Variants in ATF7IP observed in about 807,000 individuals in gnomAD.
ATF7IP encodes activating transcription factor 7 interacting protein.
In ATF7IP, 23 loss-of-function variants were observed where a neutral mutation model predicts 106.4. That is an observed-to-expected ratio of 0.22 (90% CI 0.16 to 0.31). The LOEUF is 0.31. Among genes scored for constraint, ATF7IP ranks in the 10% least tolerant of loss-of-function variants. The pLI is 1.00. For synonymous variants in ATF7IP, 542 were observed against 539.0 expected, an observed-to-expected ratio of 1.01 and a Z score of -0.08; for missense variants, 1,334 against 1,524.3, an observed-to-expected ratio of 0.88 and a Z score of 2.08.
chr12:14,464,642 A>G (rs1164599936), intron 9 of ATF7IP, among the ~76,000 whole-genome samples: 1 of 152,230 alleles, frequency 6.6e-6, no homozygotes, highest in Non-Finnish European at 1.5e-5. Context: ...TCCAAGGTAG[A>G]TCTTGTAGAA....
rs191571284 is a variant in ATF7IP at position 14,393,591 on chromosome 12, A to G, written c.-8+27764A>G. 5.9e-5 allele frequency among the ~76,000 whole-genome samples: 9 copies of G among 152,278 alleles called. No homozygotes were observed. The East Asian group carries it at 1.5e-3, about 26-fold the overall frequency. Reference sequence around the variant, plus strand: ...TAACTTTATGCGTCCCCTCATTTATAGCCCCATTATCTTTTTTATGTGATA... The same window carrying G: ...TAACTTTATGCGTCCCCTCATTTATGGCCCCATTATCTTTTTTATGTGATA... On this transcript the variant is annotated intron_variant, in intron 1 of 14. Coordinates refer to ENST00000261168, the MANE Select transcript of ATF7IP (RefSeq NM_018179.5).
intron 2 of ATF7IP, 38 bp from the exon 3 acceptor site, chr12:14,434,299 A>T: frequency 8.3e-7 from 1 of 1,205,570 alleles, no homozygotes; most frequent in Non-Finnish European, 1.2e-6. Context: ...TATGAATTCT[A>T]GTAGAAGTAA....
At chr12:14,496,983 T>C (rs1273123978) in intron 14 of ATF7IP, among the ~76,000 whole-genome samples, 1 of 152,222 alleles carries the variant, frequency 6.6e-6, no homozygotes, top group Non-Finnish European at 1.5e-5. Flanking sequence ...TTTTTCTTCA[T>C]GTACCCTATG....
Position 14,499,967 on chromosome 12 carries a change from ACTG to A in ATF7IP, c.*1895_*1897del. On this transcript the variant is annotated 3_prime_UTR_variant, in exon 15 of 15. Transcript: ENST00000261168. The stretch of plus-strand genomic sequence containing the variant: ...GATTTTTAATATGAGGGCCAGCTGT[ACTG>A]GTGTCAGGTAGGTGTTTTGGGTGTA... The A allele has an allele frequency of 6.6e-6, 1 of 152,332 alleles. No individual in the cohort carries two copies. The highest frequency in any genetic ancestry group is 1.5e-5 in the Non-Finnish European group (1 of 68,022). 9.4% of individuals were successfully genotyped at this position (152,332 alleles called of 1,614,324 possible).
intron 9 of ATF7IP, among the ~76,000 whole-genome samples, chr12:14,465,490 A>C (rs572137781): frequency 6.6e-6 from 1 of 151,880 alleles, no homozygotes; most frequent in Admixed American, 6.5e-5. Flanking sequence ...TCATAGTCCA[A>C]AACAGATGCT....
At chr12:14,446,831 A>G (rs879045182) in intron 5 of ATF7IP, among the ~76,000 whole-genome samples, 157 bp from the exon 6 acceptor site, 1 of 152,054 alleles carries the variant, frequency 6.6e-6, no homozygotes, top group Non-Finnish European at 1.5e-5. Context: ...TTTTCCAAGT[A>G]TATAGTTTAT....
chr12:14,408,116 G>GCACACA (rs56229725), intron 1 of ATF7IP, among the ~76,000 whole-genome samples: 10,354 of 148,982 alleles, frequency 0.069, 386 homozygotes, highest in Non-Finnish European at 0.096. Flanking sequence ...ATATTGATGT[G>GCACACA]CACACACACA....
chr12:14,373,855 C>A (rs758754272), intron 1 of ATF7IP, among the ~76,000 whole-genome samples: 1 of 151,732 alleles, frequency 6.6e-6, no homozygotes, highest in Non-Finnish European at 1.5e-5. Flanking sequence ...GAATTCTTCC[C>A]CTCTCTGCTT....
In ATF7IP at chr12:14,423,719, A is replaced by T. The variant is rs76884746; in HGVS notation, c.-7-190A>T. 3,312 of 541,184 alleles carry T rather than the reference A, an allele frequency of 6.1e-3. 86 individuals are homozygous for T. The highest frequency in any genetic ancestry group is 0.059 in the African/African-American group (3,044 of 51,552). 33.5% of individuals were successfully genotyped at this position (541,184 alleles called of 1,614,324 possible). A position where few individuals can be genotyped will look rare whatever the true frequency, so the allele number is the denominator to read the frequency against. ...GTTGATTTTCTAGTAGACTATGGCC[A>T]TTTTTGATTTTGTATTACACAGATG... On this transcript the variant is annotated intron_variant, in intron 1 of 14. Coordinates refer to ENST00000261168, the MANE Select transcript of ATF7IP (RefSeq NM_018179.5).
chr12:14,439,209 G>A (rs1942573870), intron 5 of ATF7IP, among the ~76,000 whole-genome samples: 1 of 152,238 alleles, frequency 6.6e-6, no homozygotes, highest in Non-Finnish European at 1.5e-5. Flanking sequence ...ATAAGTAAGT[G>A]TATGGTTCCT....
chr12:14,419,994 C>T (rs1941409562), intron 1 of ATF7IP: 1 of 152,144 alleles, frequency 6.6e-6, no homozygotes, highest in African/African-American at 2.4e-5. Context: ...GAATTGGCTT[C>T]CAGCAAGTAG....
intron 13 of ATF7IP, among the ~76,000 whole-genome samples, chr12:14,489,248 A>G (rs190647204): frequency 1.7e-4 from 26 of 152,236 alleles, no homozygotes; most frequent in Admixed American, 7.2e-4. Context: ...CCTTACCTCC[A>G]TTGTGGAACA....
At chr12:14,388,001 C>A (rs1254348550) in intron 1 of ATF7IP, among the ~76,000 whole-genome samples, 1 of 147,816 alleles carries the variant, frequency 6.8e-6, no homozygotes, top group East Asian at 2.0e-4. Flanking sequence ...TTCTTTCTTT[C>A]CTTTCATTCT....
In ATF7IP at chr12:14,483,422, G is replaced by A. The variant is rs577250440; in HGVS notation, c.3280+2237G>A. 2.6e-5 allele frequency among the ~76,000 whole-genome samples: 4 copies of A among 152,212 alleles called. No homozygotes were observed. The South Asian group carries it at 8.3e-4, about 32-fold the overall frequency. ...ACAACCAACACTAACTCCTTCGCTA[G>A]CCTGTTGACTTAAAGGTAAGAGGAG... On this transcript the variant is annotated intron_variant, in intron 13 of 14. Transcript: ENST00000261168.
intron 1 of ATF7IP, among the ~76,000 whole-genome samples, chr12:14,414,745 A>T (rs1941115096): frequency 6.6e-6 from 1 of 152,206 alleles, no homozygotes; most frequent in Admixed American, 6.5e-5. Flanking sequence ...ATCTAGTAAA[A>T]GGTGACTGAC....
chr12:14,379,801 G>A (rs1227177694), intron 1 of ATF7IP, among the ~76,000 whole-genome samples: 2 of 152,100 alleles, frequency 1.3e-5, no homozygotes, highest in African/African-American at 4.8e-5. Flanking sequence ...TCTGATTTCA[G>A]ATTTCTCCTC....
chr12:14,455,197 A>G (rs1305055810), intron 6 of ATF7IP, among the ~76,000 whole-genome samples: 8 of 152,002 alleles, frequency 5.3e-5, no homozygotes, highest in Admixed American at 5.2e-4. Context: ...AAAAAAAAAA[A>G]AAAATTACTC....
chr12:14,377,765 C>G (rs573018845), intron 1 of ATF7IP, among the ~76,000 whole-genome samples: 1 of 152,010 alleles, frequency 6.6e-6, no homozygotes, highest in South Asian at 2.1e-4. Flanking sequence ...AGGCACCCAC[C>G]ACCACACCAA....
intron 1 of ATF7IP, among the ~76,000 whole-genome samples, chr12:14,381,108 T>TG (rs1938985410): frequency 6.6e-6 from 1 of 152,220 alleles, no homozygotes; most frequent in Non-Finnish European, 1.5e-5. Context: ...CAAAGGTGCT[T>TG]GGTTCTTTTA....
Sources: gnomAD v4.1 joint callset for allele counts (sites outside exome capture counted in the v4.1 genomes callset) on GRCh38, gnomAD v4.1.1 for gene constraint, MANE v1.5 for transcripts, NCBI Gene and HGNC (gene_info 2026-07-23, HGNC 2026-07-21) for gene names.